SEM1: variants seen among roughly 807,000 people sequenced by gnomAD.
SEM1 encodes the protein 26S proteasome complex subunit SEM1.
Under a neutral mutation model 12.7 loss-of-function variants are expected in SEM1, and 3 were observed. That is an observed-to-expected ratio of 0.24 (90% confidence interval 0.11 to 0.61). The LOEUF (loss-of-function observed/expected upper bound fraction) is 0.61. Among genes scored for constraint, SEM1 ranks in the 20% least tolerant of loss-of-function variants. The probability of loss-of-function intolerance (pLI) is 0.88; values close to 1 mark genes in which losing one functional copy is unlikely to be tolerated. For missense variants in SEM1, 59 were observed against 81.3 expected, an observed-to-expected ratio of 0.73 and a Z score of 1.06; for synonymous variants, 30 against 27.8, an observed-to-expected ratio of 1.08 and a Z score of -0.25.
intron 2 of SEM1, among the ~76,000 whole-genome samples, chr7:96,646,285 C>T (rs1808791067): frequency 6.6e-6 from 1 of 152,146 alleles, no homozygotes; most frequent in South Asian, 2.1e-4. Context: ...TCATATGTGG[C>T]CCACAAAGCC....
chr7:96,547,420 G>A (rs1339311187), intron 2 of SEM1, among the ~76,000 whole-genome samples: 3 of 152,116 alleles, frequency 2.0e-5, no homozygotes, highest in South Asian at 2.1e-4. Flanking sequence ...TGCCATTCAT[G>A]GTCCAAAGGC....
chr7:96,505,746 C>T (rs1387828181), intron 3 of SEM1, among the ~76,000 whole-genome samples: 1 of 151,980 alleles, frequency 6.6e-6, no homozygotes, highest in Non-Finnish European at 1.5e-5. Context: ...TCTGTGGTCT[C>T]TTATAAGGGC....
At chr7:96,529,358 T>C (rs1388596631) in intron 2 of SEM1, among the ~76,000 whole-genome samples, 1 of 152,166 alleles carries the variant, frequency 6.6e-6, no homozygotes, top group Non-Finnish European at 1.5e-5. Context: ...TTTCATACCA[T>C]ATCAAAAGTA....
intron 2 of SEM1, among the ~76,000 whole-genome samples, chr7:96,553,042 GTTTGTTT>G (rs1417996452): frequency 6.6e-6 from 1 of 151,864 alleles, no homozygotes; most frequent in Non-Finnish European, 1.5e-5. Flanking sequence ...TGATGGGGTT[GTTTGTTT>G]TTTTCTTGTA....
At chr7:96,513,609 A>C (rs1047148673) in intron 2 of SEM1, among the ~76,000 whole-genome samples, 1 of 152,078 alleles carries the variant, frequency 6.6e-6, no homozygotes, top group Admixed American at 6.6e-5. Flanking sequence ...TGGGCAGATC[A>C]CTTGAGGTCA....
At chr7:96,489,895 A>G (rs894743864) in intron 1 of SEM1, among the ~76,000 whole-genome samples, 2 of 152,170 alleles carry the variant, frequency 1.3e-5, no homozygotes, top group Admixed American at 6.5e-5. Flanking sequence ...ACCCTAATCC[A>G]GTATGACCTT....
At chr7:96,633,425 TAATCTACTTATTTTCAGAGTTTAA>T (rs1021956610) in intron 2 of SEM1, among the ~76,000 whole-genome samples, 3 of 152,124 alleles carry the variant, frequency 2.0e-5, no homozygotes, top group Non-Finnish European at 4.4e-5. Flanking sequence ...AACCTTCTTT[TAATCTACTTATTTTCAGAGTTTAA>T]AAATAGCACA....
At position 96,601,282 on chromosome 7, in the gene SEM1, A is replaced by C. The variant is rs1327423505; in HGVS notation, c.170+93516T>G. On this transcript the variant is annotated intron_variant and NMD_transcript_variant, in intron 2 of 3. Coordinates refer to the SEM1 transcript ENST00000466986. ...TCTAGCAGGGAGAGAAAAACAATAA[A>C]TAAAAGACATACTAAATGATTAACA... Among the ~76,000 whole-genome samples the C allele has an allele frequency of 5.9e-5, 9 of 152,228 alleles. No homozygotes were observed. In the East Asian group the frequency reaches 1.7e-3, roughly 29 times the overall value.
At chr7:96,605,193 A>C (rs1807309221) in intron 2 of SEM1, among the ~76,000 whole-genome samples, 1 of 152,172 alleles carries the variant, frequency 6.6e-6, no homozygotes, top group East Asian at 1.9e-4. Flanking sequence ...AAGACAATTA[A>C]CCTAGTGAGG....
At chr7:96,680,689 A>T (rs990119814) in intron 2 of SEM1, among the ~76,000 whole-genome samples, 2 of 152,136 alleles carry the variant, frequency 1.3e-5, no homozygotes, top group African/African-American at 4.8e-5. Flanking sequence ...ATGACAGCTA[A>T]AGAGGAATCA....
In SEM1 at chr7:96,609,834, A is replaced by G. The variant is rs564997404; in HGVS notation, c.170+84964T>C. ...TAAGGAGAATGGATTTTAATTGGGA[A>G]TGGTGAAAGATGAGATGTGCAAGTA... On this transcript the variant is annotated intron_variant and NMD_transcript_variant, in intron 2 of 3. Coordinates refer to the SEM1 transcript ENST00000466986. Among the ~76,000 whole-genome samples, 6 of 152,316 alleles carry G rather than the reference A, an allele frequency of 3.9e-5. No homozygotes were observed. In the South Asian group the frequency reaches 6.2e-4, roughly 16 times the overall value.
chr7:96,595,541 T>A (rs1806970341), intron 2 of SEM1, among the ~76,000 whole-genome samples: 1 of 152,116 alleles, frequency 6.6e-6, no homozygotes, highest in African/African-American at 2.4e-5. Flanking sequence ...CATTGTCATA[T>A]GAAAAGGCAA....
chr7:96,566,165 C>T (rs1448236097), intron 2 of SEM1, among the ~76,000 whole-genome samples: 1 of 151,566 alleles, frequency 6.6e-6, no homozygotes, highest in Non-Finnish European at 1.5e-5. Flanking sequence ...AAAAGTTAAA[C>T]ATACAGTATA....
At chr7:96,519,328 A>G (rs764092050) in intron 2 of SEM1, among the ~76,000 whole-genome samples, 1 of 144,022 alleles carries the variant, frequency 6.9e-6, no homozygotes, top group Non-Finnish European at 1.5e-5. Flanking sequence ...ACATCAGTGA[A>G]CAATAAAAAC....
At chr7:96,698,594 C>T (rs997902284) in intron 1 of SEM1, among the ~76,000 whole-genome samples, 2 of 152,270 alleles carry the variant, frequency 1.3e-5, no homozygotes, top group African/African-American at 4.8e-5. Flanking sequence ...AGGACAAGAA[C>T]CCATCCTTTT....
At chr7:96,697,587 C>T (rs751432838) in intron 1 of SEM1, among the ~76,000 whole-genome samples, 1 of 152,064 alleles carries the variant, frequency 6.6e-6, no homozygotes, top group Admixed American at 6.6e-5. Context: ...TCAAGAGTAT[C>T]GAATTCTTAT....
At chr7:96,606,223 T>G (rs1446221483) in intron 2 of SEM1, among the ~76,000 whole-genome samples, 1 of 152,222 alleles carries the variant, frequency 6.6e-6, no homozygotes, top group African/African-American at 2.4e-5. Context: ...TGTCTGCATT[T>G]GCAGGCATCC....
chr7:96,642,300 C>G (rs898814678), intron 2 of SEM1, among the ~76,000 whole-genome samples: 1 of 152,010 alleles, frequency 6.6e-6, no homozygotes, highest in African/African-American at 2.4e-5. Flanking sequence ...AGATATTCTA[C>G]CTAGAGTTTA....
upstream of SEM1, among the ~76,000 whole-genome samples, chr7:96,499,431 A>C (rs1803426137): frequency 6.6e-6 from 1 of 152,184 alleles, no homozygotes; most frequent in South Asian, 2.1e-4. Context: ...ACTCACAGAA[A>C]GTGAGTAGCC....
Sources: gnomAD v4.1 joint callset for allele counts (sites outside exome capture counted in the v4.1 genomes callset) on GRCh38, gnomAD v4.1.1 for gene constraint, MANE v1.5 for transcripts, NCBI Gene and HGNC (gene_info 2026-07-23, HGNC 2026-07-21) for gene names.